Variants in MLLT1 observed in about 807,000 individuals in gnomAD.
The protein encoded by MLLT1 is protein ENL.
In MLLT1, 11 loss-of-function variants were observed where a neutral mutation model predicts 55.1. The ratio of observed to expected loss-of-function variants is 0.20; its 90% confidence interval spans 0.13 to 0.33. The LOEUF (loss-of-function observed/expected upper bound fraction) is 0.33. Among genes scored for constraint, MLLT1 ranks in the 10% least tolerant of loss-of-function variants. MLLT1 has a pLI of 1.00. For synonymous variants in MLLT1, 323 were observed against 320.1 expected (o/e 1.01, Z -0.10); for missense variants, 536 against 760.6 (o/e 0.70, Z 3.47).
chr19:6,279,855 G>A lies in MLLT1; in HGVS notation c.-71C>T, dbSNP rs1472814061. ...GCCGCCGCCGCCGCCGCCGCTCAACGCCGCCCCGCCGCCCTCATTGTCTGT... is the reference window on the plus strand; with the variant it reads ...GCCGCCGCCGCCGCCGCCGCTCAACACCGCCCCGCCGCCCTCATTGTCTGT... On this transcript the variant is annotated 5_prime_UTR_variant, in exon 1 of 12. Coordinates refer to ENST00000252674, the MANE Select transcript of MLLT1 (RefSeq NM_005934.4). 1.3e-5 allele frequency: 2 copies of A among 149,486 alleles called. No individual in the cohort carries two copies. The highest frequency in any genetic ancestry group is 4.3e-4 in the East Asian group (2 of 4,672). 9.3% of individuals were successfully genotyped at this position (149,486 alleles called of 1,614,324 possible).
At chr19:6,215,425 C>T (rs2090831806) in intron 8 of MLLT1, among the ~76,000 whole-genome samples, 1 of 152,196 alleles carries the variant, frequency 6.6e-6, no homozygotes, top group South Asian at 2.1e-4. Context: ...TGTCTAGAGT[C>T]TAAGTCCCTG....
At chr19:6,215,803 G>A (rs1184709756) in intron 8 of MLLT1, among the ~76,000 whole-genome samples, 2 of 152,204 alleles carry the variant, frequency 1.3e-5, no homozygotes, top group Admixed American at 6.5e-5. Flanking sequence ...CCGGGGCCAA[G>A]GCCAGCACGT....
chr19:6,230,474 C>G lies in MLLT1; in HGVS notation c.420+96G>C, dbSNP rs1373210879. 1 of 1,468,444 alleles carries G rather than the reference C, an allele frequency of 6.8e-7. No individual in the cohort carries two copies. The highest frequency in any genetic ancestry group is 1.4e-5 in the African/African-American group (1 of 71,220). 91.0% of individuals were successfully genotyped at this position (1,468,444 alleles called of 1,614,324 possible). On this transcript the variant is annotated intron_variant, in intron 4 of 11. Transcript: ENST00000252674. This position sits in a 1 kb window ranked among gnomAD's most constrained non-coding sequence, Gnocchi z 9.0. ...GTGTGACCTGCGCCTTGGGTCTCGG[C>G]CCCCAGCACCGACACCTCTGGCTGG... is the stretch of plus-strand genomic sequence containing the variant.
chr19:6,249,881 G>A (rs963486175), intron 3 of MLLT1, among the ~76,000 whole-genome samples: 9 of 152,022 alleles, frequency 5.9e-5, no homozygotes, highest in Non-Finnish European at 7.4e-5. Context: ...AATTAGCCAG[G>A]TATGGTGGTG....
rs556706750 is a variant in MLLT1 at position 6,212,543 on chromosome 19, A to G, written c.*499T>C. On this transcript the variant is annotated 3_prime_UTR_variant, in exon 12 of 12. Coordinates refer to ENST00000252674, the MANE Select transcript of MLLT1 (RefSeq NM_005934.4). Reference sequence around the variant, plus strand: ...CCCAGCGCAGCGCGAGCCGGGGAGGAGCCGGCGCTAGGTCTACACGGAGGA... The same window carrying G: ...CCCAGCGCAGCGCGAGCCGGGGAGGGGCCGGCGCTAGGTCTACACGGAGGA... 6 of 1,079,216 alleles carry G rather than the reference A, an allele frequency of 5.6e-6. No homozygotes were observed. Among genetic ancestry groups the G allele is most frequent in the Non-Finnish European group, 6.7e-6 (6 of 889,202 alleles). The allele number at this position is 1,079,216 out of a possible 1,614,324, so 66.9% of individuals were successfully genotyped here. A position where few individuals can be genotyped will look rare whatever the true frequency, so the allele number is the denominator to read the frequency against.
chr19:6,275,668 A>C (rs948759001), intron 1 of MLLT1, among the ~76,000 whole-genome samples: 1 of 151,920 alleles, frequency 6.6e-6, no homozygotes, highest in Non-Finnish European at 1.5e-5. Flanking sequence ...AGGGGCCAGC[A>C]CCTCCACCCC....
chr19:6,236,752 C>G (rs2091065112), intron 3 of MLLT1, among the ~76,000 whole-genome samples: 1 of 152,170 alleles, frequency 6.6e-6, no homozygotes. Flanking sequence ...AAACCAGCCT[C>G]CTGGGAGATG....
Position 6,262,708 on chromosome 19 carries a change from C to T in MLLT1, c.194-398G>A, listed in dbSNP as rs1269669154. ...GTGTGAAACCCAGCAGGGAGGGCCA[C>T]ACACTCTACTGTCACCACCTCCAGC... On this transcript the variant is annotated intron_variant, in intron 2 of 11. Coordinates refer to ENST00000252674, the MANE Select transcript of MLLT1 (RefSeq NM_005934.4). This position sits in a 1 kb window ranked among gnomAD's most constrained non-coding sequence, Gnocchi z 4.4. Among the ~76,000 whole-genome samples, 1 of 152,084 alleles carries T rather than the reference C, an allele frequency of 6.6e-6. No individual in the cohort carries two copies. The highest frequency in any genetic ancestry group is 1.5e-5 in the Non-Finnish European group (1 of 68,018).
At chr19:6,253,922 C>G (rs1001175868) in intron 3 of MLLT1, among the ~76,000 whole-genome samples, 2 of 152,114 alleles carry the variant, frequency 1.3e-5, no homozygotes, top group African/African-American at 4.8e-5. Context: ...GTGATAGAAG[C>G]CTGTTTTGTT....
intron 5 of MLLT1, among the ~76,000 whole-genome samples, chr19:6,225,555 A>G (rs547723005): frequency 1.3e-5 from 2 of 152,168 alleles, no homozygotes; most frequent in African/African-American, 4.8e-5. Flanking sequence ...TCAGCAGACA[A>G]GTGCCTCGGC....
intron 3 of MLLT1, among the ~76,000 whole-genome samples, chr19:6,258,247 G>A (rs1480659946): frequency 6.6e-6 from 1 of 152,018 alleles, no homozygotes; most frequent in Non-Finnish European, 1.5e-5. Flanking sequence ...CAGCCCAAAC[G>A]TCTATCCACA....
intron 5 of MLLT1, among the ~76,000 whole-genome samples, chr19:6,223,001 C>T (rs1600176599): frequency 6.6e-6 from 1 of 152,256 alleles, no homozygotes; most frequent in Non-Finnish European, 1.5e-5. Flanking sequence ...CCACTTCGCC[C>T]GCACCCGCCC....
intron 5 of MLLT1, among the ~76,000 whole-genome samples, chr19:6,223,304 C>T (rs537951927): frequency 7.2e-5 from 11 of 152,320 alleles, no homozygotes; most frequent in African/African-American, 1.7e-4. Context: ...AGGTACCGCA[C>T]GGAGCAAACA....
At position 6,270,715 on chromosome 19, in the gene MLLT1, C is replaced by T. The variant is rs758006728; in HGVS notation, c.57G>A (p.Leu19=). The part of the protein sequence containing the change: ...VRLELGHRAQ[L]RKKPTTEGFT... ...ACCCCTCCGTGGTGGGCTTCTTGCG[C>T]AGTTGGGCGCGATGCCCCAGCTCTA... Residue 19 remains leucine, a synonymous_variant, in exon 2 of 12, where the codon CTG becomes CTA. Coordinates refer to ENST00000252674, the MANE Select transcript of MLLT1 (RefSeq NM_005934.4). The surrounding 1 kb of genome is among the most constrained non-coding windows in gnomAD (Gnocchi z 7.1). The T allele has an allele frequency of 6.2e-7, 1 of 1,613,876 alleles. No individual in the cohort carries two copies. Among genetic ancestry groups the T allele is most frequent in the South Asian group, 1.1e-5 (1 of 91,068 alleles).
intron 3 of MLLT1, among the ~76,000 whole-genome samples, chr19:6,261,967 A>C (rs1429077680): frequency 6.6e-6 from 1 of 152,160 alleles, no homozygotes; most frequent in African/African-American, 2.4e-5. Flanking sequence ...TTTTCTAGGC[A>C]ACTGGACAGG....
chr19:6,264,468 G>A (rs1298680705), intron 2 of MLLT1, among the ~76,000 whole-genome samples: 3 of 151,984 alleles, frequency 2.0e-5, no homozygotes, highest in Non-Finnish European at 2.9e-5. Flanking sequence ...GCTCCCACCA[G>A]GAGGAAAGAG....
At chr19:6,214,067 C>G in intron 8 of MLLT1, 29 bp from the exon 9 acceptor site, 1 of 1,352,296 alleles carries the variant, frequency 7.4e-7, no homozygotes, top group Non-Finnish European at 9.7e-7. Context: ...GCGCATCAGG[C>G]CCCTGCCGCC....
intron 1 of MLLT1, among the ~76,000 whole-genome samples, chr19:6,274,241 G>A (rs1441454880): frequency 1.3e-5 from 2 of 152,250 alleles, no homozygotes; most frequent in Non-Finnish European, 2.9e-5. Context: ...AGTAAAAAAG[G>A]AATCACAGAT....
rs2091386583 is a variant in MLLT1, at chr19:6,270,480, G to A, written c.193+99C>T. 7.7e-7 allele frequency: 1 copy of A among 1,297,754 alleles called. No homozygotes were observed. The highest frequency in any genetic ancestry group is 1.0e-6 in the Non-Finnish European group (1 of 952,956). The allele number at this position is 1,297,754 out of a possible 1,614,324, so 80.4% of individuals were successfully genotyped here. A position where few individuals can be genotyped will look rare whatever the true frequency, so the allele number is the denominator to read the frequency against. ...GCAAGCTGGAACCTCATGGTTGGAG[G>A]GGTCCTGCTGCTCCTGAGGGAGGGG... On this transcript the variant is annotated intron_variant, in intron 2 of 11. Coordinates refer to ENST00000252674, the MANE Select transcript of MLLT1 (RefSeq NM_005934.4). The surrounding 1 kb of genome is among the most constrained non-coding windows in gnomAD (Gnocchi z 7.1).
Sources: gnomAD v4.1 joint callset for allele counts (sites outside exome capture counted in the v4.1 genomes callset) on GRCh38, gnomAD v4.1.1 for gene constraint, Gnocchi (gnomAD v3.1) non-coding constraint, MANE v1.5 for transcripts, NCBI Gene and HGNC (gene_info 2026-07-23, HGNC 2026-07-21) for gene names.